Variants in TENM1 observed in about 807,000 individuals in gnomAD.
The protein encoded by TENM1 is teneurin transmembrane protein 1.
In TENM1, 35 loss-of-function variants were observed where a neutral mutation model predicts 174.8. That is an observed-to-expected ratio of 0.20 (90% CI 0.15 to 0.27). The LOEUF is 0.27. Ranked by LOEUF, TENM1 falls within the 10% of genes least tolerant of loss-of-function variation. The pLI is 1.00. For synonymous variants in TENM1, 781 were observed against 798.7 expected, an observed-to-expected ratio of 0.98 and a Z score of 0.37; for missense variants, 1,633 against 2,130.1, an observed-to-expected ratio of 0.77 and a Z score of 4.59.
chrX:124,396,024 A>G (rs1355962817), intron 27 of TENM1, among the ~76,000 whole-genome samples: 1 of 111,731 alleles, frequency 9.0e-6, no homozygotes, highest in Non-Finnish European at 1.9e-5. Flanking sequence ...AAAATCCACC[A>G]CAAAGCAAGC....
At chrX:125,084,535 T>A in the TENM1 span, among the ~76,000 whole-genome samples, 1 of 111,093 alleles carries the variant, frequency 9.0e-6, no homozygotes, top group African/African-American at 3.3e-5. Context: ...ATCATCATAA[T>A]AACAATAATA....
At chrX:124,453,201 TA>T in intron 23 of TENM1, 135 bp downstream of exon 26, 1 of 632,261 alleles carries the variant, frequency 1.6e-6, no homozygotes, top group Non-Finnish European at 2.3e-6. Context: ...GTAACTTACA[TA>T]AAGAGAAACT....
At chrX:124,450,836 A>G (rs933934542) in intron 23 of TENM1, among the ~76,000 whole-genome samples, 5 of 112,147 alleles carry the variant, frequency 4.5e-5, no homozygotes, top group African/African-American at 1.6e-4. Context: ...ATTCTGGCCA[A>G]TGTGACACAA....
rs146150164 is a variant in TENM1, at chrX:124,454,272, G to A, written c.3950-781C>T. 0.031 allele frequency among the ~76,000 whole-genome samples: 3,449 copies of A among 111,458 alleles called. 169 individuals are homozygous for A. The East Asian group carries it at 0.32, about 10-fold the overall frequency. On this transcript the variant is annotated intron_variant, in intron 22 of 31. Transcript: ENST00000422452. ...TCTTTGGTAACATAGGGACAGGATC[G>A]TCTGCCTTACTTAGCTAAAGTGATC...
chrX:124,453,503 G>A lies in TENM1; in HGVS notation c.3950-12C>T, dbSNP rs764881438. Reference sequence around the variant, plus strand: ...ATCAACTGTGATGCCTGTTGGGAAAGAGCAAATGAGCATTAGTAGTCTAGT... The same window carrying A: ...ATCAACTGTGATGCCTGTTGGGAAAAAGCAAATGAGCATTAGTAGTCTAGT... On this transcript the variant is annotated splice_polypyrimidine_tract_variant and intron_variant, in intron 22 of 31. Coordinates refer to ENST00000422452, the Ensembl canonical transcript of TENM1. The A allele has an allele frequency of 3.3e-6, 4 of 1,195,504 alleles. No individual in the cohort carries two copies. The African/African-American group carries it at 7.0e-5, about 21-fold the overall frequency.
At chrX:124,589,390 T>G (rs908043268) in intron 11 of TENM1, among the ~76,000 whole-genome samples, 1 of 107,379 alleles carries the variant, frequency 9.3e-6, no homozygotes, top group Non-Finnish European at 1.9e-5. Flanking sequence ...TTGTTGTTGT[T>G]GTATCTTTGC....
At chrX:124,381,111 C>T in exon 32 of TENM1, 1 of 1,211,076 alleles carries the variant, frequency 8.3e-7, no homozygotes, top group South Asian at 1.8e-5. Flanking sequence ...TCAGCTGTTA[C>T]TATGCCATCC....
the TENM1 span, among the ~76,000 whole-genome samples, chrX:125,147,823 C>T: frequency 1.8e-3 from 203 of 111,617 alleles, no homozygotes; most frequent in African/African-American, 6.3e-3. Flanking sequence ...TTGGTTACAC[C>T]GCAGATTTAT....
chrX:124,993,974 C>T, the TENM1 span, among the ~76,000 whole-genome samples: 1 of 110,401 alleles, frequency 9.1e-6, no homozygotes, highest in South Asian at 3.9e-4. Flanking sequence ...GTAACTTCTA[C>T]TCAAATAGTA....
At chrX:124,930,545 C>G (rs2147714266) in intron 1 of TENM1, among the ~76,000 whole-genome samples, 1 of 111,740 alleles carries the variant, frequency 8.9e-6, no homozygotes, top group South Asian at 3.8e-4. Flanking sequence ...CAACATGTAC[C>G]CAAATCTTTT....
chrX:124,909,234 A>G (rs146620079), intron 1 of TENM1, among the ~76,000 whole-genome samples: 1,234 of 112,413 alleles, frequency 0.011, 11 homozygotes, highest in Admixed American at 0.022. Flanking sequence ...TCACACAGAT[A>G]CCAACTGGCA....
intron 11 of TENM1, among the ~76,000 whole-genome samples, chrX:124,608,421 G>A (rs772143157): frequency 3.6e-5 from 4 of 111,225 alleles, no homozygotes; most frequent in East Asian, 2.8e-4. Context: ...CCTTACCATC[G>A]CTCCAATAAC....
chrX:125,010,590 G>A, the TENM1 span, among the ~76,000 whole-genome samples: 3 of 109,156 alleles, frequency 2.7e-5, no homozygotes, highest in East Asian at 2.9e-4. Context: ...CGAGACGGGC[G>A]GATCATGAGG....
At chrX:124,485,511 T>C (rs2046934603) in intron 21 of TENM1, among the ~76,000 whole-genome samples, 1 of 111,831 alleles carries the variant, frequency 8.9e-6, no homozygotes, top group South Asian at 3.8e-4. Flanking sequence ...AACCCTTCTT[T>C]GAAACAACTA....
the TENM1 span, among the ~76,000 whole-genome samples, chrX:124,987,131 A>C: frequency 7.8e-4 from 87 of 111,443 alleles, 1 homozygote; most frequent in African/African-American, 2.8e-3. Flanking sequence ...AGCTCTCAAT[A>C]ATTTATTTTT....
the TENM1 span, among the ~76,000 whole-genome samples, chrX:125,127,822 A>C: frequency 9.0e-6 from 1 of 110,948 alleles, no homozygotes; most frequent in Non-Finnish European, 1.9e-5. Context: ...TTTGTGCTCA[A>C]TATGGACAAA....
At chrX:124,553,297 C>T (rs1037661831) in intron 14 of TENM1, among the ~76,000 whole-genome samples, 3 of 108,846 alleles carry the variant, frequency 2.8e-5, no homozygotes, top group Middle Eastern at 4.7e-3. Context: ...GTCAGGAGTT[C>T]GAGACCAGCC....
At chrX:124,798,658 A>G (rs1474895421) in intron 3 of TENM1, among the ~76,000 whole-genome samples, 2 of 111,247 alleles carry the variant, frequency 1.8e-5, no homozygotes, top group Admixed American at 1.9e-4. Context: ...CTCTAATGAT[A>G]GTTTCTTTTG....
chrX:124,462,082 T>C (rs140775047), intron 22 of TENM1, among the ~76,000 whole-genome samples: 1,724 of 110,487 alleles, frequency 0.016, 35 homozygotes, highest in African/African-American at 0.054. Context: ...ATCCCGTTTC[T>C]CTTTCTTTCT....
Sources: allele counts gnomAD v4.1 joint callset (sites outside exome capture counted in the v4.1 genomes callset), GRCh38; gene constraint gnomAD v4.1.1; transcripts MANE v1.5; gene names NCBI Gene and HGNC (gene_info 2026-07-23, HGNC 2026-07-21).